The following SULT1C3 variants were observed in gnomAD, a reference collection of about 807,000 sequenced individuals.
SULT1C3 encodes the protein sulfotransferase 1C3.
SULT1C3 carries 31 observed loss-of-function variants against 28.4 expected under a neutral mutation model. The observed-to-expected ratio is 1.09, with a 90% confidence interval of 0.82 to 1.47. The LOEUF (loss-of-function observed/expected upper bound fraction) is 1.47, where lower values mean the gene tolerates loss of function less well. SULT1C3 is among the 40% of genes most tolerant of loss of function. The probability of loss-of-function intolerance (pLI) is 0.00; values close to 1 mark genes in which losing one functional copy is unlikely to be tolerated. For missense variants in SULT1C3, 307 were observed against 272.5 expected, an observed-to-expected ratio of 1.13 and a Z score of -0.89; for synonymous variants, 106 against 92.2, an observed-to-expected ratio of 1.15 and a Z score of -0.86.
chr2:108,249,621 T>C (rs1253316246), intron 2 of SULT1C3, among the ~76,000 whole-genome samples: 1 of 152,004 alleles, frequency 6.6e-6, no homozygotes, highest in Non-Finnish European at 1.5e-5. Flanking sequence ...TGTATAAGAC[T>C]TAAATAAATA....
downstream of SULT1C3, chr2:108,265,031 G>A: frequency 6.3e-7 from 1 of 1,584,246 alleles, no homozygotes; most frequent in Non-Finnish European, 8.6e-7. Context: ...AGTCTAAGAT[G>A]TCAAATGGAA....
At chr2:108,261,686 A>G (rs1419627346), downstream of SULT1C3, among the ~76,000 whole-genome samples, 1 of 152,086 alleles carries the variant, frequency 6.6e-6, no homozygotes, top group African/African-American at 2.4e-5. Context: ...AAAATTAAAG[A>G]AGTGTAAAAA....
rs771832902 is a variant in SULT1C3, at chr2:108,260,614, G to T, written c.849G>T (p.Glu283Asp). ...ACCACTTTACTGTGGCTTTGAATGA[G>T]AACTTTGATAAGCATTATGAAAAGA... is the stretch of plus-strand genomic sequence containing the variant. ...WKNHFTVALNENFDKHYEKKM... is the reference protein window; with the variant it reads ...WKNHFTVALNDNFDKHYEKKM... The change falls in exon 8 of 8, where the codon GAG becomes GAT. Residue 283 changes from glutamate (E) to aspartate (D), a missense_variant. By Grantham distance (45) the Glu-to-Asp change is conservative. Transcript: ENST00000681802. 2.0e-6 allele frequency: 1 copy of T among 507,764 alleles called. No homozygotes were observed. The highest frequency in any genetic ancestry group is 3.9e-6 in the Non-Finnish European group (1 of 254,530). The allele number at this position is 507,764 out of a possible 1,614,324, so 31.5% of individuals were successfully genotyped here.
chr2:108,251,889 A>T (rs185987826), intron 2 of SULT1C3, among the ~76,000 whole-genome samples: 262 of 152,146 alleles, frequency 1.7e-3, no homozygotes, highest in African/African-American at 6.2e-3. Context: ...TTAAGGATTT[A>T]TTATAAACTA....
intron 2 of SULT1C3, among the ~76,000 whole-genome samples, chr2:108,248,318 G>C (rs1193616703): frequency 6.6e-6 from 1 of 152,122 alleles, no homozygotes; most frequent in Non-Finnish European, 1.5e-5. Flanking sequence ...GTGTACTCCA[G>C]CCATAATAAA....
intron 2 of SULT1C3, among the ~76,000 whole-genome samples, chr2:108,251,000 T>G (rs1156970605): frequency 6.6e-6 from 1 of 152,086 alleles, no homozygotes; most frequent in Non-Finnish European, 1.5e-5. Context: ...ACTACACATT[T>G]ATAACAGGTT....
intron 7 of SULT1C3, among the ~76,000 whole-genome samples, chr2:108,260,275 G>T (rs986441812): frequency 6.6e-6 from 1 of 152,088 alleles, no homozygotes; most frequent in Non-Finnish European, 1.5e-5. Flanking sequence ...CTTTGGGTTG[G>T]GTACACTAGA....
chr2:108,258,916 G>A (rs1675945363), intron 6 of SULT1C3, 50 bp from the exon 7 acceptor site: 1 of 1,022,382 alleles, frequency 9.8e-7, no homozygotes, highest in South Asian at 1.5e-5. Context: ...AATTGGCCAA[G>A]TTCTTCTTCT....
At chr2:108,256,787 T>C (rs1675878064) in intron 5 of SULT1C3, among the ~76,000 whole-genome samples, 1 of 152,110 alleles carries the variant, frequency 6.6e-6, no homozygotes, top group African/African-American at 2.4e-5. Context: ...ATCAAGCATG[T>C]CTCTCCAGTG....
At chr2:108,254,701 GTA>G (rs894632895) in intron 4 of SULT1C3, among the ~76,000 whole-genome samples, 2 of 150,378 alleles carry the variant, frequency 1.3e-5, no homozygotes, top group African/African-American at 2.5e-5. Context: ...GTGTGTGTGT[GTA>G]TATATATATG....
rs1343143401 is a variant in SULT1C3, at chr2:108,253,162, CA to C, written c.302-179del. ...AGCTGAGAGAATAAGAGGAAATAAG[CA>C]AAACTCTCCTAGAAGGTTAGGCAGG... On this transcript the variant is annotated intron_variant, in intron 3 of 7. Transcript: ENST00000681802. Among the ~76,000 whole-genome samples the C allele has an allele frequency of 9.2e-5, 14 of 152,182 alleles. No individual in the cohort carries two copies. In the East Asian group the frequency reaches 2.7e-3, roughly 29 times the overall value.
intron 2 of SULT1C3, among the ~76,000 whole-genome samples, chr2:108,251,823 T>G (rs767019439): frequency 1.3e-5 from 2 of 152,050 alleles, no homozygotes; most frequent in African/African-American, 4.8e-5. Flanking sequence ...CAAAAGTGAT[T>G]AATAACATTA....
chr2:108,265,248 G>A, downstream of SULT1C3: 1 of 1,613,600 alleles, frequency 6.2e-7, no homozygotes, highest in South Asian at 1.1e-5. Flanking sequence ...GGGATGCCTG[G>A]AGACTGGAAG....
downstream of SULT1C3, among the ~76,000 whole-genome samples, chr2:108,262,213 T>C (rs1676040123): frequency 6.6e-6 from 1 of 152,156 alleles, no homozygotes; most frequent in Non-Finnish European, 1.5e-5. Context: ...ACAGGGCTAC[T>C]GTGCTTTGTA....
chr2:108,254,772 T>G (rs904179099), intron 4 of SULT1C3, among the ~76,000 whole-genome samples: 2 of 150,908 alleles, frequency 1.3e-5, no homozygotes, highest in Non-Finnish European at 3.0e-5. Flanking sequence ...TATGTATGTA[T>G]GCATATATAT....
chr2:108,257,220 G>GA (rs969249021), intron 5 of SULT1C3, among the ~76,000 whole-genome samples: 1 of 151,484 alleles, frequency 6.6e-6, no homozygotes. Context: ...GGTCTTAAGA[G>GA]AAAAAAAACT....
intron 1 of SULT1C3, among the ~76,000 whole-genome samples, chr2:108,244,016 G>A (rs1221404416): frequency 6.6e-6 from 1 of 152,186 alleles, no homozygotes; most frequent in East Asian, 1.9e-4. Flanking sequence ...GGGCTGGCTT[G>A]AACCGCAGAC....
chr2:108,258,637 T>A (rs2198463), intron 5 of SULT1C3, 97 bp from the exon 6 acceptor site: 196,326 of 852,110 alleles, frequency 0.23, 31,002 homozygotes, highest in East Asian at 0.77. Context: ...ACCAGAACGA[T>A]AGTTACAGAA....
At chr2:108,254,690 T>C (rs1359229649) in intron 4 of SULT1C3, among the ~76,000 whole-genome samples, 1 of 149,468 alleles carries the variant, frequency 6.7e-6, no homozygotes, top group East Asian at 1.9e-4. Context: ...GTGAGATATG[T>C]GTGTGTGTGT....
Sources: gnomAD v4.1 joint callset for allele counts (sites outside exome capture counted in the v4.1 genomes callset) on GRCh38, gnomAD v4.1.1 for gene constraint, MANE v1.5 for transcripts, NCBI Gene and HGNC (gene_info 2026-07-23, HGNC 2026-07-21) for gene names.